The following EEF2KMT variants were observed in gnomAD, a reference collection of about 807,000 sequenced individuals.
EEF2KMT encodes the protein eukaryotic elongation factor 2 lysine methyltransferase.
EEF2KMT carries 30 observed loss-of-function variants against 35.1 expected under a neutral mutation model. The ratio of observed to expected loss-of-function variants is 0.85; its 90% CI spans 0.64 to 1.16. The LOEUF is 1.16. Among genes scored for constraint, EEF2KMT ranks in the 50% most tolerant of loss-of-function variants. The probability of loss-of-function intolerance (pLI) is 0.00; values close to 1 mark genes in which losing one functional copy is unlikely to be tolerated. For missense variants in EEF2KMT, 499 were observed against 438.2 expected (o/e 1.14, Z -1.24); for synonymous variants, 190 against 187.7 (o/e 1.01, Z -0.10).
Position 5,089,188 on chromosome 16 carries a change from C to A in EEF2KMT, c.811G>T (p.Glu271Ter). 6.2e-7 allele frequency: 1 copy of A among 1,611,130 alleles called. No individual in the cohort carries two copies. The change falls in exon 7 of 8, where the codon GAG becomes TAG. Residue 271 changes from glutamate to a stop codon, truncating the protein, a stop_gained. Coordinates refer to ENST00000427587, the MANE Select transcript of EEF2KMT (RefSeq NM_201400.4). LOFTEE classifies it high-confidence loss of function. ...GVLRRLAACR[E>*]HQRAPEVYVA... is the part of the protein sequence containing the mutation. ...TAGACCTCAGGAGCCCGCTGGTGCTCCCGGCAGGCAGCCAGCCTCCGCAGG... is the reference window on the plus strand; with the variant it reads ...TAGACCTCAGGAGCCCGCTGGTGCTACCGGCAGGCAGCCAGCCTCCGCAGG...
Position 5,097,683 on chromosome 16 carries a change from G to T in EEF2KMT, c.57C>A (p.Arg19=). Residue 19 remains arginine (R), a synonymous_variant, in exon 1 of 8, where the codon CGC becomes CGA. Transcript: ENST00000427587. ...AGCGCAGTGTGCGTGCCGCCAGGAAGCGGCGCTCGAAACTCTGCAGCAAGA... is the reference window on the plus strand; with the variant it reads ...AGCGCAGTGTGCGTGCCGCCAGGAATCGGCGCTCGAAACTCTGCAGCAAGA... ...TELLLQSFER[R]FLAARTLRSF... is the part of the protein sequence containing the mutation. 3.2e-6 allele frequency: 5 copies of T among 1,580,706 alleles called. No homozygotes were observed. Among genetic ancestry groups the T allele is most frequent in the Non-Finnish European group, 4.3e-6 (5 of 1,168,850 alleles).
At chr16:5,086,514 T>G (rs1957178631) in intron 7 of EEF2KMT, 1 of 152,024 alleles carries the variant, frequency 6.6e-6, no homozygotes, top group Non-Finnish European at 1.5e-5. Flanking sequence ...AGTGGCACAG[T>G]CATTGCTCAC....
chr16:5,095,950 G>A (rs902476543), intron 1 of EEF2KMT, among the ~76,000 whole-genome samples: 1 of 151,994 alleles, frequency 6.6e-6, no homozygotes, highest in Admixed American at 6.6e-5. Flanking sequence ...TGTCTCGGCT[G>A]GTATGTGACA....
At position 5,085,077 on chromosome 16, in the gene EEF2KMT, G is replaced by A; in HGVS notation, c.*555C>T. On this transcript the variant is annotated 3_prime_UTR_variant, in exon 8 of 8. Transcript: ENST00000427587. ...GTTGGCCTTGATTTCTTCTCTGGAGGCTTGGAAACGCTTCCTCTCTTCTTC... is the reference window on the plus strand; with the variant it reads ...GTTGGCCTTGATTTCTTCTCTGGAGACTTGGAAACGCTTCCTCTCTTCTTC... The A allele has an allele frequency of 2.2e-6, 2 of 928,048 alleles. No individual in the cohort carries two copies. Among genetic ancestry groups the A allele is most frequent in the Non-Finnish European group, 1.6e-6 (1 of 621,228 alleles). The allele number at this position is 928,048 out of a possible 1,614,324, so 57.5% of individuals were successfully genotyped here. A position where few individuals can be genotyped will look rare whatever the true frequency, so the allele number is the denominator to read the frequency against.
rs554183734 is a variant in EEF2KMT, at chr16:5,084,818, G to T, written c.*814C>A. 2 of 1,596,146 alleles carry T rather than the reference G, an allele frequency of 1.3e-6. No homozygotes were observed. The highest frequency in any genetic ancestry group is 2.7e-5 in the African/African-American group (2 of 74,698). On this transcript the variant is annotated 3_prime_UTR_variant, in exon 8 of 8. Transcript: ENST00000427587. ...AGTTCCGGAAGAACCTGCGGGAGTC[G>T]CAGCAGCTCCGATGGGATGAGAGCT...
intron 7 of EEF2KMT, among the ~76,000 whole-genome samples, chr16:5,088,566 G>A (rs58516395): frequency 0.3 from 45,928 of 151,836 alleles, 7,157 homozygotes; most frequent in Middle Eastern, 0.36. Flanking sequence ...TAGTGTCTTT[G>A]TTGGTGAGAT....
intron 7 of EEF2KMT, chr16:5,087,234 A>G (rs1957211928): frequency 6.6e-6 from 1 of 152,238 alleles, no homozygotes; most frequent in South Asian, 2.1e-4. Context: ...AAAATCACAA[A>G]AAAACCTCGT....
rs567329568 is a variant in EEF2KMT at position 5,085,131 on chromosome 16, C to T, written c.*501G>A. 13 of 664,306 alleles carry T rather than the reference C, an allele frequency of 2.0e-5. No homozygotes were observed. The highest frequency in any genetic ancestry group is 1.1e-4 in the African/African-American group (6 of 55,206). 41.2% of individuals were successfully genotyped at this position (664,306 alleles called of 1,614,324 possible). A position where few individuals can be genotyped will look rare whatever the true frequency, so the allele number is the denominator to read the frequency against. On this transcript the variant is annotated 3_prime_UTR_variant, in exon 8 of 8. Transcript: ENST00000427587. The stretch of plus-strand genomic sequence containing the variant: ...TCTTCACGCCCCATGCCCCTGCTAG[C>T]GTATTACTGTTCTGTGACTTCCCTG...
At chr16:5,091,118 G>A (rs936935751) in intron 4 of EEF2KMT, among the ~76,000 whole-genome samples, 2 of 151,784 alleles carry the variant, frequency 1.3e-5, no homozygotes, top group Non-Finnish European at 2.9e-5. Flanking sequence ...ATTTGCTCTC[G>A]TTGCCCAGGC....
Position 5,090,530 on chromosome 16 carries a change from C to G in EEF2KMT, c.378G>C (p.Thr126=), listed in dbSNP as rs138095454. Reference sequence around the variant, plus strand: ...CTGTGGTACCGTAGGAGATGATGGCCGTGCTCTCGGAGAGTGTGACCGAGC... The same window carrying G: ...CTGTGGTACCGTAGGAGATGATGGCGGTGCTCTCGGAGAGTGTGACCGAGC... ...SGGSVTLSES[T]AIISYGTTGL... is the part of the protein sequence containing the mutation. Residue 126 remains threonine, a synonymous_variant, in exon 5 of 8, where the codon ACG becomes ACC. Transcript: ENST00000427587. The surrounding 1 kb of genome is among the most constrained non-coding windows in gnomAD (Gnocchi z 4.1). 1 of 1,611,734 alleles carries G rather than the reference C, an allele frequency of 6.2e-7. No individual in the cohort carries two copies. The highest frequency in any genetic ancestry group is 8.5e-7 in the Non-Finnish European group (1 of 1,179,716).
chr16:5,093,408 C>A, intron 3 of EEF2KMT, 76 bp downstream of exon 3: 1 of 1,606,184 alleles, frequency 6.2e-7, no homozygotes, highest in Non-Finnish European at 8.5e-7. Flanking sequence ...AGGCCCAGGG[C>A]CTGGGAAGGA....
At chr16:5,096,327 T>C (rs1957463527) in intron 1 of EEF2KMT, among the ~76,000 whole-genome samples, 1 of 152,238 alleles carries the variant, frequency 6.6e-6, no homozygotes, top group Non-Finnish European at 1.5e-5. Context: ...CACTGTCATC[T>C]GGTCTTTTCT....
rs535815466 is a variant in EEF2KMT at position 5,088,916 on chromosome 16, G to A, written c.892+191C>T. Reference sequence around the variant, plus strand: ...AGACCCTCCCTCCCTGTGCTGAGCTGCCCTCCTCCTGCCGCAAGCCCCCCA... The same window carrying A: ...AGACCCTCCCTCCCTGTGCTGAGCTACCCTCCTCCTGCCGCAAGCCCCCCA... On this transcript the variant is annotated intron_variant, in intron 7 of 7. Transcript: ENST00000427587. Among the ~76,000 whole-genome samples the A allele has an allele frequency of 3.3e-4, 51 of 152,286 alleles. No homozygotes were observed. The South Asian group carries it at 0.01, about 30-fold the overall frequency.
chr16:5,085,794 G>A, intron 7 of EEF2KMT, 62 bp from the exon 8 acceptor site: 2 of 1,288,824 alleles, frequency 1.6e-6, no homozygotes, highest in Non-Finnish European at 2.3e-6. Context: ...TGAGGGTATT[G>A]TGTGGGGCTG....
chr16:5,087,022 G>A (rs1310659269), intron 7 of EEF2KMT: 4 of 152,152 alleles, frequency 2.6e-5, no homozygotes, highest in Non-Finnish European at 5.9e-5. Flanking sequence ...TGGAAAATGC[G>A]TATTTATAAG....
In EEF2KMT at chr16:5,090,653, A is replaced by C; in HGVS notation, c.343-88T>G. The C allele has an allele frequency of 6.4e-7, 1 of 1,557,030 alleles. No individual in the cohort carries two copies. The highest frequency in any genetic ancestry group is 8.8e-7 in the Non-Finnish European group (1 of 1,137,896). Reference sequence around the variant, plus strand: ...AGTAGCCCCACCACATGGCTGAATAAACCATGACAGGACCAATCGCCACTC... The same window carrying C: ...AGTAGCCCCACCACATGGCTGAATACACCATGACAGGACCAATCGCCACTC... On this transcript the variant is annotated intron_variant, in intron 4 of 7. Coordinates refer to ENST00000427587, the MANE Select transcript of EEF2KMT (RefSeq NM_201400.4). The surrounding 1 kb of genome is among the most constrained non-coding windows in gnomAD (Gnocchi z 4.1).
chr16:5,092,246 A>G (rs749862620), intron 3 of EEF2KMT, among the ~76,000 whole-genome samples: 2 of 152,170 alleles, frequency 1.3e-5, no homozygotes, highest in Non-Finnish European at 1.5e-5. Flanking sequence ...GGCAGGAGAC[A>G]AGGATTCCGT....
At chr16:5,085,900 G>A (rs1171567659) in intron 7 of EEF2KMT, among the ~76,000 whole-genome samples, 168 bp from the exon 8 acceptor site, 2 of 152,210 alleles carry the variant, frequency 1.3e-5, no homozygotes, top group Non-Finnish European at 1.5e-5. Context: ...TGGCCTCCAG[G>A]ATGGGACCAG....
chr16:5,094,919 C>G (rs11860291), intron 2 of EEF2KMT, among the ~76,000 whole-genome samples: 131,188 of 152,168 alleles, frequency 0.86, 56,600 homozygotes, highest in Middle Eastern at 0.91. Context: ...GCCCTTCGAA[C>G]GTGAAGACCC....
Sources: allele counts gnomAD v4.1 joint callset (sites outside exome capture counted in the v4.1 genomes callset), GRCh38; gene constraint gnomAD v4.1.1; non-coding constraint Gnocchi (gnomAD v3.1); transcripts MANE v1.5; gene names NCBI Gene and HGNC (gene_info 2026-07-23, HGNC 2026-07-21).